Variants in IL1RAPL1 observed in about 807,000 individuals in gnomAD.
IL1RAPL1 encodes interleukin-1 receptor accessory protein-like 1.
IL1RAPL1 carries 3 observed loss-of-function variants against 48.4 expected under a neutral mutation model. The observed-to-expected ratio is 0.06, with a 90% CI of 0.03 to 0.16. IL1RAPL1 has a LOEUF of 0.16. IL1RAPL1 is among the 10% of genes least tolerant of loss of function. The pLI, the probability that IL1RAPL1 is intolerant of heterozygous loss-of-function variation, is 1.00. For missense variants in IL1RAPL1, 349 were observed against 530.6 expected (o/e 0.66, Z 3.36); for synonymous variants, 185 against 187.7 (o/e 0.99, Z 0.12).
chrX:29,180,260 T>C (rs1318121475), intron 2 of IL1RAPL1, among the ~76,000 whole-genome samples: 1 of 111,113 alleles, frequency 9.0e-6, no homozygotes, highest in African/African-American at 3.3e-5. Context: ...AAAGCACCTC[T>C]GAAAACCTGC....
chrX:29,139,326 A>G (rs1929198090), intron 2 of IL1RAPL1, among the ~76,000 whole-genome samples: 1 of 102,715 alleles, frequency 9.7e-6, no homozygotes, highest in South Asian at 4.2e-4. Context: ...AGAGTTTCTA[A>G]TGAGAAAAAT....
intron 6 of IL1RAPL1, among the ~76,000 whole-genome samples, chrX:29,669,474 T>C (rs1926088554): frequency 9.0e-6 from 1 of 111,418 alleles, no homozygotes; most frequent in Non-Finnish European, 1.9e-5. Flanking sequence ...GGAGTGAGAA[T>C]TTGCATCAAA....
chrX:29,637,901 A>G (rs1477762592), intron 5 of IL1RAPL1, among the ~76,000 whole-genome samples: 3 of 111,780 alleles, frequency 2.7e-5, no homozygotes, highest in African/African-American at 6.5e-5. Context: ...AAAATGTTAA[A>G]TTTTTCATTT....
intron 2 of IL1RAPL1, among the ~76,000 whole-genome samples, chrX:29,122,482 CTTCT>C (rs1438372593): frequency 1.1e-5 from 1 of 92,310 alleles, no homozygotes; most frequent in Non-Finnish European, 2.1e-5. Flanking sequence ...CCCACACACA[CTTCT>C]TTCTTTGCTT....
chrX:28,721,439 T>C (rs1429852093), intron 1 of IL1RAPL1, among the ~76,000 whole-genome samples: 1 of 111,396 alleles, frequency 9.0e-6, no homozygotes, highest in Non-Finnish European at 1.9e-5. Context: ...TTTGATGGGG[T>C]TGTTTGTTTT....
intron 2 of IL1RAPL1, among the ~76,000 whole-genome samples, chrX:28,916,014 C>A (rs1305528181): frequency 9.1e-6 from 1 of 110,140 alleles, no homozygotes; most frequent in Middle Eastern, 4.3e-3. Context: ...CAGCTACTTA[C>A]AAGTAGAATG....
intron 6 of IL1RAPL1, among the ~76,000 whole-genome samples, chrX:29,765,186 C>A (rs1423943801): frequency 9.2e-6 from 1 of 109,154 alleles, no homozygotes; most frequent in Non-Finnish European, 1.9e-5. Flanking sequence ...CCTTTTATAA[C>A]AGGTAAAACT....
intron 5 of IL1RAPL1, among the ~76,000 whole-genome samples, chrX:29,405,155 G>A (rs756095013): frequency 9.1e-6 from 1 of 109,319 alleles, no homozygotes; most frequent in African/African-American, 3.4e-5. Flanking sequence ...CTTGTGATCC[G>A]CCCACCTCAG....
intron 6 of IL1RAPL1, among the ~76,000 whole-genome samples, chrX:29,696,564 A>T (rs1926918736): frequency 8.9e-6 from 1 of 111,923 alleles, no homozygotes; most frequent in African/African-American, 3.2e-5. Context: ...AAAAGTTATG[A>T]TTTGTCCCAG....
At chrX:28,892,208 C>T (rs1922790202) in intron 2 of IL1RAPL1, among the ~76,000 whole-genome samples, 2 of 109,405 alleles carry the variant, frequency 1.8e-5, no homozygotes, top group Admixed American at 9.8e-5. Context: ...AGGCCGAGTC[C>T]TAAAAGAGAG....
intron 3 of IL1RAPL1, among the ~76,000 whole-genome samples, chrX:29,329,856 T>C (rs7061976): frequency 0.12 from 13,429 of 109,722 alleles, 1,982 homozygotes; most frequent in African/African-American, 0.41. Flanking sequence ...GTTACAACAT[T>C]GCTGACCCTT....
At chrX:28,813,704 TG>T (rs1432146906) in intron 2 of IL1RAPL1, among the ~76,000 whole-genome samples, 1 of 110,984 alleles carries the variant, frequency 9.0e-6, no homozygotes, top group Non-Finnish European at 1.9e-5. Context: ...GAGCTTGATG[TG>T]CTGTTCTTAG....
At chrX:29,794,280 A>G (rs1929695473) in intron 6 of IL1RAPL1, among the ~76,000 whole-genome samples, 1 of 112,199 alleles carries the variant, frequency 8.9e-6, no homozygotes, top group African/African-American at 3.2e-5. Flanking sequence ...TTCGTTAAAA[A>G]AAAAGATACT....
At chrX:28,682,540 C>CT (rs1199936139) in intron 1 of IL1RAPL1, among the ~76,000 whole-genome samples, 1 of 110,845 alleles carries the variant, frequency 9.0e-6, no homozygotes, top group Non-Finnish European at 1.9e-5. Context: ...TCCCAAAGTG[C>CT]TGGGAGTACA....
intron 1 of IL1RAPL1, among the ~76,000 whole-genome samples, chrX:28,711,360 A>G (rs763395325): frequency 8.9e-6 from 1 of 111,999 alleles, no homozygotes; most frequent in Non-Finnish European, 1.9e-5. Context: ...TGCAGGTGGC[A>G]CAGATTTGGA....
At chrX:29,057,519 C>T (rs1471236935) in intron 2 of IL1RAPL1, among the ~76,000 whole-genome samples, 3 of 110,285 alleles carry the variant, frequency 2.7e-5, no homozygotes, top group African/African-American at 6.6e-5. Context: ...CCTCGGCCTC[C>T]TGGGTTCAAG....
chrX:29,369,039 T>A (rs1368933122), intron 3 of IL1RAPL1: 1 of 111,883 alleles, frequency 8.9e-6, no homozygotes, highest in Non-Finnish European at 1.9e-5. Context: ...AAAACCAACC[T>A]GAGATATCAT....
At chrX:29,928,952 T>C (rs1268752183) in intron 8 of IL1RAPL1, among the ~76,000 whole-genome samples, 1 of 111,320 alleles carries the variant, frequency 9.0e-6, no homozygotes, top group Non-Finnish European at 1.9e-5. Flanking sequence ...TAGATTTTAG[T>C]GTTGAGAATT....
At chrX:29,537,064 T>C (rs1460256559) in intron 5 of IL1RAPL1, among the ~76,000 whole-genome samples, 1 of 111,170 alleles carries the variant, frequency 9.0e-6, no homozygotes, top group Non-Finnish European at 1.9e-5. Context: ...AACTGTGTTA[T>C]TACTTTCCAT....
Sources: gnomAD v4.1 joint callset for allele counts (sites outside exome capture counted in the v4.1 genomes callset) on GRCh38, gnomAD v4.1.1 for gene constraint, MANE v1.5 for transcripts, NCBI Gene and HGNC (gene_info 2026-07-23, HGNC 2026-07-21) for gene names.